SLC41A2: variants seen among roughly 807,000 people sequenced by gnomAD.
SLC41A2 encodes solute carrier family 41 member 2.
Under a neutral mutation model 58.3 loss-of-function variants are expected in SLC41A2, and 32 were observed. The observed-to-expected ratio is 0.55, with a 90% CI of 0.41 to 0.74. The LOEUF (loss-of-function observed/expected upper bound fraction) is 0.74, where lower values mean the gene tolerates loss of function less well. Ranked by LOEUF, SLC41A2 falls within the 30% of genes least tolerant of loss-of-function variation. The pLI is 0.00. For missense variants in SLC41A2, 514 were observed against 680.6 expected, an observed-to-expected ratio of 0.76 and a Z score of 2.72; for synonymous variants, 190 against 235.0, an observed-to-expected ratio of 0.81 and a Z score of 1.75.
intron 3 of SLC41A2, among the ~76,000 whole-genome samples, chr12:104,900,905 C>A (rs1040565026): frequency 2.0e-5 from 3 of 152,116 alleles, no homozygotes; most frequent in Admixed American, 2.0e-4. Flanking sequence ...TTGCCAACTT[C>A]TTCATATCCC....
intron 2 of SLC41A2, among the ~76,000 whole-genome samples, chr12:104,917,561 A>C (rs965347783): frequency 6.6e-6 from 1 of 151,622 alleles, no homozygotes; most frequent in African/African-American, 2.4e-5. Context: ...AATAGCAAAG[A>C]CTTGGAACCA....
intron 1 of SLC41A2, among the ~76,000 whole-genome samples, chr12:104,932,490 T>C (rs2047089703): frequency 6.6e-6 from 1 of 151,954 alleles, no homozygotes; most frequent in South Asian, 2.1e-4. Context: ...CTGGGCATGA[T>C]GGCGTGCACC....
rs59568349 is a variant in SLC41A2 at position 104,864,558 on chromosome 12, C to T, written c.1175+1874G>A. 8.6e-3 allele frequency among the ~76,000 whole-genome samples: 1,302 copies of T among 152,162 alleles called. 16 individuals carry two copies. The highest frequency in any genetic ancestry group is 0.029 in the African/African-American group (1,199 of 41,506). On this transcript the variant is annotated intron_variant, in intron 7 of 10. Transcript: ENST00000258538. ...TTTATTGCACTGGGTACTTAGCAGG[C>T]GCTTTCCATCAGGTAGCTCATGTTT...
At chr12:104,811,453 C>T (rs1020304781) in intron 10 of SLC41A2, among the ~76,000 whole-genome samples, 7 of 152,050 alleles carry the variant, frequency 4.6e-5, no homozygotes, top group African/African-American at 1.7e-4. Context: ...TAGATATATA[C>T]ATTTGTAGCA....
chr12:104,818,501 T>C (rs1241585485), intron 10 of SLC41A2, among the ~76,000 whole-genome samples: 4 of 152,156 alleles, frequency 2.6e-5, no homozygotes, highest in Non-Finnish European at 5.9e-5. Context: ...TGAAAATAGA[T>C]GCCATAAATA....
intron 2 of SLC41A2, among the ~76,000 whole-genome samples, chr12:104,921,056 C>T (rs1220074190): frequency 2.0e-5 from 3 of 151,456 alleles, no homozygotes; most frequent in African/African-American, 2.4e-5. Flanking sequence ...AAGCTGGGCT[C>T]CAGTCTGGGA....
rs1265312025 is a variant in SLC41A2 at position 104,802,787 on chromosome 12, T to C, written c.*2365A>G. On this transcript the variant is annotated 3_prime_UTR_variant, in exon 11 of 11. Transcript: ENST00000258538. ...TGAAATCCATAAAATGTAGTAATACTCTATTGTACTTTTAAAAATCCTATT... is the reference window on the plus strand; with the variant it reads ...TGAAATCCATAAAATGTAGTAATACCCTATTGTACTTTTAAAAATCCTATT... 1 of 152,182 alleles carries C rather than the reference T, an allele frequency of 6.6e-6. No individual in the cohort carries two copies. Among genetic ancestry groups the C allele is most frequent in the African/African-American group, 2.4e-5 (1 of 41,456 alleles). The allele number at this position is 152,182 out of a possible 1,614,324, so 9.4% of individuals were successfully genotyped here.
At position 104,928,021 on chromosome 12, in the gene SLC41A2, T is replaced by C. The variant is rs764620461; in HGVS notation, c.507A>G (p.Leu169=). The change falls in exon 2 of 11, where the codon CTA becomes CTG. Residue 169 remains leucine, a synonymous_variant. Transcript: ENST00000258538. ...MALQILVPFL[L]AGFGTVSAGM... ...CAGCTGAAACTGTTCCAAAACCAGCTAGCAAAAAGGGCACAAGTATTTGCA... is the reference window on the plus strand; with the variant it reads ...CAGCTGAAACTGTTCCAAAACCAGCCAGCAAAAAGGGCACAAGTATTTGCA... The C allele has an allele frequency of 1.2e-6, 2 of 1,613,512 alleles. No individual in the cohort carries two copies. The highest frequency in any genetic ancestry group is 2.2e-5 in the South Asian group (2 of 90,954).
At chr12:104,870,946 T>C (rs1419407783) in intron 6 of SLC41A2, among the ~76,000 whole-genome samples, 1 of 152,220 alleles carries the variant, frequency 6.6e-6, no homozygotes, top group East Asian at 1.9e-4. Context: ...AAGATGGTAC[T>C]GTGCTAAAAA....
intron 8 of SLC41A2, among the ~76,000 whole-genome samples, chr12:104,858,489 A>G (rs2043095923): frequency 6.6e-6 from 1 of 152,222 alleles, no homozygotes; most frequent in South Asian, 2.1e-4. Context: ...CTCACTAAAT[A>G]GCAGATAATG....
At chr12:104,916,234 T>G (rs1309453464) in intron 2 of SLC41A2, among the ~76,000 whole-genome samples, 3 of 152,186 alleles carry the variant, frequency 2.0e-5, no homozygotes, top group Non-Finnish European at 2.9e-5. Flanking sequence ...AAATTCTCTT[T>G]TTTGGTTGTG....
At position 104,853,708 on chromosome 12, in the gene SLC41A2, A is replaced by AATGTATGTATGT. The variant is rs57299241; in HGVS notation, c.1255+7571_1255+7582dup. Among the ~76,000 whole-genome samples, 407 of 142,676 alleles carry AATGTATGTATGT rather than the reference A, an allele frequency of 2.9e-3. 1 individual carries two copies. Among genetic ancestry groups the AATGTATGTATGT allele is most frequent in the South Asian group, 0.011 (47 of 4,274 alleles). 93.6% of individuals were successfully genotyped at this position (142,676 alleles called of 152,430 possible). A position where few individuals can be genotyped will look rare whatever the true frequency, so the allele number is the denominator to read the frequency against. On this transcript the variant is annotated intron_variant, in intron 8 of 10. Coordinates refer to ENST00000258538, the MANE Select transcript of SLC41A2 (RefSeq NM_001352171.3). ...TAGATCATGCATTATTTTTTAAATA[A>AATGTATGTATGT]ATGTATGTATGTATGTATGTATGTA...
At chr12:104,912,555 C>T (rs1020167385) in intron 2 of SLC41A2, among the ~76,000 whole-genome samples, 2 of 152,202 alleles carry the variant, frequency 1.3e-5, no homozygotes, top group Non-Finnish European at 2.9e-5. Flanking sequence ...GGCATGAAAG[C>T]TCCGTGTCTC....
intron 10 of SLC41A2, among the ~76,000 whole-genome samples, chr12:104,841,862 G>A (rs1465571471): frequency 6.6e-6 from 1 of 152,092 alleles, no homozygotes; most frequent in Non-Finnish European, 1.5e-5. Flanking sequence ...ATCATGTCCT[G>A]TGGGGAATAC....
chr12:104,886,938 G>C (rs2044698966), intron 5 of SLC41A2, among the ~76,000 whole-genome samples: 1 of 151,900 alleles, frequency 6.6e-6, no homozygotes, highest in Non-Finnish European at 1.5e-5. Context: ...TTAAGCAGCA[G>C]GACATAATTA....
intron 3 of SLC41A2, among the ~76,000 whole-genome samples, chr12:104,896,132 T>C (rs954339365): frequency 3.9e-5 from 6 of 152,214 alleles, no homozygotes; most frequent in Non-Finnish European, 7.3e-5. Context: ...AAATGATCTA[T>C]AGATAAGTTG....
At chr12:104,846,450 A>G (rs1439215818) in intron 8 of SLC41A2, among the ~76,000 whole-genome samples, 1 of 152,204 alleles carries the variant, frequency 6.6e-6, no homozygotes, top group African/African-American at 2.4e-5. Flanking sequence ...ATGAATTCCA[A>G]AGAGTGGTAA....
At chr12:104,889,258 C>T in intron 4 of SLC41A2, 81 bp from the exon 5 acceptor site, 5 of 1,357,512 alleles carry the variant, frequency 3.7e-6, no homozygotes, top group Admixed American at 5.1e-5. Context: ...AATATTACTA[C>T]AAAAAGTCAA....
chr12:104,805,305 C>T lies in SLC41A2; in HGVS notation c.1569G>A (p.Met523Ile), dbSNP rs755389362. 16 of 1,613,442 alleles carry T rather than the reference C, an allele frequency of 9.9e-6. No homozygotes were observed. Among genetic ancestry groups the T allele is most frequent in the African/African-American group, 1.3e-5 (1 of 74,924 alleles). ...TTCCTTTCCTCCAGAAGTGATGGAC[C>T]ATCCAGTCAGCAATCCACAGCAAGG... ...VFTLLWIADW[M>I]VHHFWRKGKD... Residue 523 changes from methionine to isoleucine, a missense_variant, in exon 11 of 11, where the codon ATG becomes ATA. This residue lies in a region of SLC41A2 where 128 missense variants were observed against 146.0 expected (regional missense o/e 0.88). Transcript: ENST00000258538.
Sources: gnomAD v4.1 joint callset for allele counts (sites outside exome capture counted in the v4.1 genomes callset) on GRCh38, gnomAD v4.1.1 for gene constraint, gnomAD v4.1.1 regional missense constraint, MANE v1.5 for transcripts, NCBI Gene and HGNC (gene_info 2026-07-23, HGNC 2026-07-21) for gene names.